The following DOT1L variants were observed in gnomAD, a reference collection of about 807,000 sequenced individuals.
DOT1L encodes DOT1 like histone lysine methyltransferase, also known as histone-lysine N-methyltransferase, H3 lysine-79 specific.
Under a neutral mutation model 153.3 loss-of-function variants are expected in DOT1L, and 33 were observed. The observed-to-expected ratio is 0.22, with a 90% CI of 0.16 to 0.29. DOT1L has a LOEUF of 0.29. DOT1L is among the 10% of genes least tolerant of loss of function. The pLI, the probability that DOT1L is intolerant of heterozygous loss-of-function variation, is 1.00. For synonymous variants in DOT1L, 1,135 were observed against 965.1 expected (o/e 1.18, Z -3.26); for missense variants, 1,847 against 2,119.9 (o/e 0.87, Z 2.53).
At chr19:2,185,544 G>C (rs752885569) in intron 2 of DOT1L, among the ~76,000 whole-genome samples, 3 of 152,108 alleles carry the variant, frequency 2.0e-5, no homozygotes, top group Non-Finnish European at 4.4e-5. Flanking sequence ...TGAAGTGGGC[G>C]GATCACTTCA....
intron 27 of DOT1L, chr19:2,228,685 G>T: frequency 1.0e-6 from 1 of 985,406 alleles, no homozygotes; most frequent in Non-Finnish European, 1.2e-6. Context: ...CTCACGGGGT[G>T]CCAGGCCAGG....
chr19:2,230,144 G>A lies in DOT1L; in HGVS notation c.*352G>A, dbSNP rs917658409. ...GCAGGGCGGGCCCGCCAGCGGATTC[G>A]CCACAGCCTGCCCCGGTGCTATCTC... On this transcript the variant is annotated 3_prime_UTR_variant, in exon 28 of 28. Coordinates refer to ENST00000398665, the MANE Select transcript of DOT1L (RefSeq NM_032482.3). 1.0e-4 allele frequency: 53 copies of A among 511,418 alleles called. No homozygotes were observed. Among genetic ancestry groups the A allele is most frequent in the Non-Finnish European group, 4.8e-5 (14 of 292,982 alleles). The allele number at this position is 511,418 out of a possible 1,614,324, so 31.7% of individuals were successfully genotyped here.
intron 2 of DOT1L, among the ~76,000 whole-genome samples, chr19:2,184,237 T>C (rs2022389431): frequency 1.3e-5 from 2 of 152,118 alleles, no homozygotes; most frequent in South Asian, 4.1e-4. Flanking sequence ...GCCTGGGGCT[T>C]TTGATGATCT....
chr19:2,174,442 T>C (rs1040664283), intron 1 of DOT1L, among the ~76,000 whole-genome samples: 7 of 152,124 alleles, frequency 4.6e-5, no homozygotes, highest in African/African-American at 7.2e-5. Flanking sequence ...ATCCCAGGAC[T>C]TGGGGAGGCC....
At chr19:2,202,219 C>A (rs1271894039) in intron 8 of DOT1L, among the ~76,000 whole-genome samples, 1 of 152,194 alleles carries the variant, frequency 6.6e-6, no homozygotes, top group Non-Finnish European at 1.5e-5. Context: ...CCTGTCCTTG[C>A]CAGAGTGTCT....
chr19:2,172,220 C>A (rs1378189927), intron 1 of DOT1L, among the ~76,000 whole-genome samples: 1 of 149,852 alleles, frequency 6.7e-6, no homozygotes, highest in African/African-American at 2.5e-5. Flanking sequence ...GACGGAGTCT[C>A]GCTCTGTGGC....
chr19:2,198,926 G>A (rs1404625898), intron 7 of DOT1L, among the ~76,000 whole-genome samples: 2 of 152,232 alleles, frequency 1.3e-5, no homozygotes, highest in African/African-American at 2.4e-5. Flanking sequence ...CCAGGTGTGC[G>A]CGGCCTCGCT....
At chr19:2,200,959 G>T (rs35624732) in intron 8 of DOT1L, among the ~76,000 whole-genome samples, 111 of 104,308 alleles carry the variant, frequency 1.1e-3, no homozygotes, top group Middle Eastern at 7.8e-3. Flanking sequence ...CGTCCTCCCC[G>T]CATTCCTCGT....
chr19:2,229,793 G>A lies in DOT1L; in HGVS notation c.*1G>A. Reference sequence around the variant, plus strand: ...GCTGTGCCCTTCTGCAGGTAACTAGGATTTCTACCTCAACCGCGAGACCTA... The same window carrying A: ...GCTGTGCCCTTCTGCAGGTAACTAGAATTTCTACCTCAACCGCGAGACCTA... On this transcript the variant is annotated 3_prime_UTR_variant, in exon 28 of 28. Coordinates refer to ENST00000398665, the MANE Select transcript of DOT1L (RefSeq NM_032482.3). 1 of 1,613,296 alleles carries A rather than the reference G, an allele frequency of 6.2e-7. No individual in the cohort carries two copies. Among genetic ancestry groups the A allele is most frequent in the Non-Finnish European group, 8.5e-7 (1 of 1,179,934 alleles).
intron 7 of DOT1L, among the ~76,000 whole-genome samples, chr19:2,195,724 C>T (rs1200865130): frequency 6.6e-6 from 1 of 152,154 alleles, no homozygotes; most frequent in South Asian, 2.1e-4. Context: ...ACAGGGGTTG[C>T]CAAGCTGCCC....
At position 2,226,952 on chromosome 19, in the gene DOT1L, C is replaced by G. The variant is rs904192341; in HGVS notation, c.4431C>G (p.Gly1477=). Residue 1477 remains glycine, a synonymous_variant, in exon 27 of 28, where the codon GGC becomes GGG. Coordinates refer to ENST00000398665, the MANE Select transcript of DOT1L (RefSeq NM_032482.3). ...CGCCGGGACCGCAGTTCGCGCTCGG[C>G]CCCATGTCCCTGCAGGCCAACCTCG... ...PFPPGPQFAL[G]PMSLQANLGS... The G allele has an allele frequency of 5.0e-6, 8 of 1,589,412 alleles. No homozygotes were observed. The African/African-American group carries it at 9.5e-5, about 19-fold the overall frequency.
At chr19:2,199,733 C>T (rs1304082389) in intron 7 of DOT1L, 151 bp from the exon 8 acceptor site, 4 of 1,036,902 alleles carry the variant, frequency 3.9e-6, no homozygotes, top group Non-Finnish European at 5.6e-6. Flanking sequence ...CCTGCAGCTC[C>T]CAGGGCTGCA....
intron 1 of DOT1L, among the ~76,000 whole-genome samples, chr19:2,180,240 G>A (rs984817730): frequency 6.6e-6 from 1 of 152,214 alleles, no homozygotes; most frequent in Non-Finnish European, 1.5e-5. Context: ...CCAGGCCTTT[G>A]CCAACGCAGG....
At chr19:2,224,616 G>A (rs982674454) in intron 25 of DOT1L, among the ~76,000 whole-genome samples, 2 of 151,998 alleles carry the variant, frequency 1.3e-5, no homozygotes, top group Admixed American at 6.6e-5. Flanking sequence ...ACAGGCACAC[G>A]CTACCACCGT....
intron 22 of DOT1L, among the ~76,000 whole-genome samples, chr19:2,218,230 G>A (rs981073206): frequency 2.6e-5 from 4 of 152,214 alleles, no homozygotes; most frequent in African/African-American, 9.6e-5. Flanking sequence ...TGGCTGCCGT[G>A]GCCCCTGTCC....
intron 27 of DOT1L, chr19:2,228,167 C>G: frequency 7.3e-7 from 1 of 1,364,808 alleles, no homozygotes; most frequent in Non-Finnish European, 9.8e-7. Flanking sequence ...TCACCTCCCT[C>G]CCGCACAAGG....
intron 19 of DOT1L, chr19:2,215,765 C>T: frequency 6.5e-6 from 1 of 153,126 alleles, no homozygotes; most frequent in African/African-American, 2.4e-5. Context: ...GTGGGTCTGC[C>T]TGGAGTAGAG....
At chr19:2,206,117 C>T (rs960803254) in intron 9 of DOT1L, among the ~76,000 whole-genome samples, 3 of 152,064 alleles carry the variant, frequency 2.0e-5, no homozygotes, top group African/African-American at 7.2e-5. Flanking sequence ...CCTGCCTCAG[C>T]CTCCCGAGTA....
rs1216095106 is a variant in DOT1L, at chr19:2,191,278, C to T, written c.493+38C>T. ...CGCCATGCCCGGCTCCTGTGCACTT[C>T]CAGGCCACACGCTCTGTGCCTGCCC... On this transcript the variant is annotated intron_variant, in intron 5 of 27. Coordinates refer to ENST00000398665, the MANE Select transcript of DOT1L (RefSeq NM_032482.3). The surrounding 1 kb of genome is among the most constrained non-coding windows in gnomAD (Gnocchi z 6.8). 6.3e-7 allele frequency: 1 copy of T among 1,593,642 alleles called. No individual in the cohort carries two copies. Among genetic ancestry groups the T allele is most frequent in the Non-Finnish European group, 8.6e-7 (1 of 1,162,898 alleles).
Sources: allele counts gnomAD v4.1 joint callset (sites outside exome capture counted in the v4.1 genomes callset), GRCh38; gene constraint gnomAD v4.1.1; non-coding constraint Gnocchi (gnomAD v3.1); transcripts MANE v1.5; gene names NCBI Gene and HGNC (gene_info 2026-07-23, HGNC 2026-07-21).